ARHGAP6: variants seen among roughly 807,000 people sequenced by gnomAD.
ARHGAP6 encodes the protein rho GTPase-activating protein 6.
In ARHGAP6, 16 loss-of-function variants were observed where a neutral mutation model predicts 55.7. The observed-to-expected ratio is 0.29, with a 90% CI of 0.19 to 0.44. The LOEUF (loss-of-function observed/expected upper bound fraction) is 0.44, where lower values mean the gene tolerates loss of function less well. ARHGAP6 is among the 20% of genes least tolerant of loss of function. The pLI is 1.00. For missense variants in ARHGAP6, 698 were observed against 808.9 expected, an observed-to-expected ratio of 0.86 and a Z score of 1.66; for synonymous variants, 382 against 360.9, an observed-to-expected ratio of 1.06 and a Z score of -0.66.
chrX:11,485,887 C>T (rs2050506678), intron 1 of ARHGAP6, among the ~76,000 whole-genome samples: 1 of 112,062 alleles, frequency 8.9e-6, no homozygotes, highest in Admixed American at 9.5e-5. Context: ...ACTGCCTTTT[C>T]TCTCCAACTC....
chrX:11,597,986 G>A (rs1167884339), intron 1 of ARHGAP6, among the ~76,000 whole-genome samples: 1 of 112,208 alleles, frequency 8.9e-6, no homozygotes, highest in Non-Finnish European at 1.9e-5. Flanking sequence ...AAAGGAGAGA[G>A]TGCATTGCTG....
At chrX:11,152,961 AG>A (rs1188193963) in intron 10 of ARHGAP6, among the ~76,000 whole-genome samples, 1 of 112,024 alleles carries the variant, frequency 8.9e-6, no homozygotes, top group African/African-American at 3.3e-5. Context: ...GGTGATTCCA[AG>A]GGGCTGGTGA....
chrX:11,635,327 TTATCTC>T (rs139098263), intron 1 of ARHGAP6, among the ~76,000 whole-genome samples: 13,820 of 111,431 alleles, frequency 0.12, 783 homozygotes, highest in Middle Eastern at 0.21. Context: ...GTCCAAGTAA[TTATCTC>T]TATAATAAAG....
At chrX:11,382,110 A>C (rs1245438513) in intron 1 of ARHGAP6, among the ~76,000 whole-genome samples, 1 of 111,739 alleles carries the variant, frequency 8.9e-6, no homozygotes, top group East Asian at 2.8e-4. Context: ...ATGATGACAA[A>C]GATGATAATG....
intron 1 of ARHGAP6, among the ~76,000 whole-genome samples, chrX:11,447,032 T>C (rs78922669): frequency 1.8e-5 from 2 of 112,328 alleles, no homozygotes; most frequent in Non-Finnish European, 3.8e-5. Flanking sequence ...AATACCGTCA[T>C]TGGTCTAGTC....
intron 2 of ARHGAP6, among the ~76,000 whole-genome samples, chrX:11,222,335 G>A (rs189939631): frequency 1.8e-5 from 2 of 111,971 alleles, no homozygotes; most frequent in African/African-American, 6.5e-5. Flanking sequence ...CAGTATATTT[G>A]GAAAGCTTTG....
intron 10 of ARHGAP6, among the ~76,000 whole-genome samples, chrX:11,151,329 A>G (rs1288953763): frequency 3.7e-5 from 4 of 108,182 alleles, no homozygotes; most frequent in African/African-American, 1.4e-4. Context: ...CAGTGGCCTA[A>G]TCTTGGCTCA....
intron 2 of ARHGAP6, among the ~76,000 whole-genome samples, chrX:11,240,612 C>T (rs1280095487): frequency 9.0e-6 from 1 of 111,574 alleles, no homozygotes; most frequent in Non-Finnish European, 1.9e-5. Context: ...ACTGATCTAT[C>T]CATCCACCCA....
chrX:11,432,222 G>A (rs1319602956), intron 1 of ARHGAP6, among the ~76,000 whole-genome samples: 1 of 112,506 alleles, frequency 8.9e-6, no homozygotes, highest in Non-Finnish European at 1.9e-5. Context: ...TATTATAGCT[G>A]ACTTCTTTTG....
At chrX:11,607,458 C>T (rs955462667) in intron 1 of ARHGAP6, among the ~76,000 whole-genome samples, 1 of 111,955 alleles carries the variant, frequency 8.9e-6, no homozygotes, top group African/African-American at 3.2e-5. Flanking sequence ...TAGTTGATTC[C>T]ATACTTCTTT....
At chrX:11,494,195 T>A (rs771741824) in intron 1 of ARHGAP6, among the ~76,000 whole-genome samples, 11 of 112,252 alleles carry the variant, frequency 9.8e-5, no homozygotes, top group African/African-American at 3.6e-4. Context: ...CCAGATGTCC[T>A]CTGAAGGACA....
At chrX:11,658,750 A>C (rs1181717323) in intron 1 of ARHGAP6, among the ~76,000 whole-genome samples, 1 of 106,111 alleles carries the variant, frequency 9.4e-6, no homozygotes, top group African/African-American at 3.4e-5. Context: ...AGCCACAAGC[A>C]TGAGAGAAAA....
At position 11,178,175 on chromosome X, in the gene ARHGAP6, G is replaced by A. The variant is rs1569243315; in HGVS notation, c.1554C>T (p.Thr518=). 1 of 1,211,355 alleles carries A rather than the reference G, an allele frequency of 8.3e-7. No homozygotes were observed. Among genetic ancestry groups the A allele is most frequent in the Non-Finnish European group, 1.1e-6 (1 of 895,362 alleles). The part of the protein sequence containing the change: ...IYLLPPCNCD[T]LHRLLQFLSI... ...AGAGGAACTGTAGCAGGCGGTGGAG[G>A]GTGTCGCAGTTGCAGGGAGGTAGAA... Residue 518 remains threonine (T), a synonymous_variant, in exon 8 of 13, where the codon ACC becomes ACT. Transcript: ENST00000337414.
In ARHGAP6 at chrX:11,276,245, C is replaced by T. The variant is rs755835257; in HGVS notation, c.589-21538G>A. Among the ~76,000 whole-genome samples, 87 of 111,358 alleles carry T rather than the reference C, an allele frequency of 7.8e-4. 1 individual carries two copies. In the South Asian group the frequency reaches 0.01, roughly 13 times the overall value. Reference sequence around the variant, plus strand: ...GACCCTGCCCCATCTCAGCTATTTTCTTGACTCTTATTTAAACATTGGAAA... The same window carrying T: ...GACCCTGCCCCATCTCAGCTATTTTTTTGACTCTTATTTAAACATTGGAAA... On this transcript the variant is annotated intron_variant, in intron 1 of 12. Coordinates refer to ENST00000337414, the MANE Select transcript of ARHGAP6 (RefSeq NM_013427.3).
intron 1 of ARHGAP6, among the ~76,000 whole-genome samples, chrX:11,404,955 A>G (rs1194760274): frequency 8.9e-6 from 1 of 112,208 alleles, no homozygotes; most frequent in Non-Finnish European, 1.9e-5. Context: ...CAGATTAAAT[A>G]AAGAGCTGAT....
intron 1 of ARHGAP6, among the ~76,000 whole-genome samples, chrX:11,634,473 G>T (rs1222520484): frequency 9.0e-6 from 1 of 111,231 alleles, no homozygotes; most frequent in East Asian, 2.8e-4. Context: ...TTATGGCAAT[G>T]AATTTTGTTG....
In ARHGAP6 at chrX:11,302,350, T is replaced by A. The variant is rs762805046; in HGVS notation, c.589-47643A>T. 8.9e-5 allele frequency among the ~76,000 whole-genome samples: 10 copies of A among 111,922 alleles called. No homozygotes were observed. The East Asian group carries it at 2.8e-3, about 31-fold the overall frequency. Reference sequence around the variant, plus strand: ...TAAACAAAAGATGAAACAAAACAGATTTGCTGGTTGAAACTGAAAATCTCA... The same window carrying A: ...TAAACAAAAGATGAAACAAAACAGAATTGCTGGTTGAAACTGAAAATCTCA... On this transcript the variant is annotated intron_variant, in intron 1 of 12. Transcript: ENST00000337414.
chrX:11,506,658 G>C (rs1370488495), intron 1 of ARHGAP6, among the ~76,000 whole-genome samples: 1 of 111,740 alleles, frequency 8.9e-6, no homozygotes, highest in Non-Finnish European at 1.9e-5. Flanking sequence ...ATTTGGGTTG[G>C]TTCCAAGTCT....
intron 1 of ARHGAP6, among the ~76,000 whole-genome samples, chrX:11,650,129 G>C: frequency 9.2e-6 from 1 of 108,253 alleles, no homozygotes. Context: ...CAAGTAGCTG[G>C]GACTATAAGC....
Sources: allele counts gnomAD v4.1 joint callset (sites outside exome capture counted in the v4.1 genomes callset), GRCh38; gene constraint gnomAD v4.1.1; transcripts MANE v1.5; gene names NCBI Gene and HGNC (gene_info 2026-07-23, HGNC 2026-07-21).